Variants in DOCK4 observed in about 807,000 individuals in gnomAD.
DOCK4 encodes dedicator of cytokinesis 4, also known as dedicator of cytokinesis protein 4.
In DOCK4, 97 loss-of-function variants were observed where a neutral mutation model predicts 268.1. That is an observed-to-expected ratio of 0.36 (90% CI 0.31 to 0.43). The LOEUF is 0.43. Among genes scored for constraint, DOCK4 ranks in the 20% least tolerant of loss-of-function variants. The probability of loss-of-function intolerance (pLI) is 1.00; values close to 1 mark genes in which losing one functional copy is unlikely to be tolerated. For missense variants in DOCK4, 2,145 were observed against 2,455.7 expected (o/e 0.87, Z 2.67); for synonymous variants, 954 against 887.2 (o/e 1.08, Z -1.34).
chr7:111,809,883 G>C (rs1196007292), intron 28 of DOCK4, among the ~76,000 whole-genome samples: 1 of 151,298 alleles, frequency 6.6e-6, no homozygotes, highest in African/African-American at 2.4e-5. Context: ...TTTAAATTCA[G>C]ACATTATATA....
At chr7:111,837,471 T>C (rs1803321882) in intron 25 of DOCK4, among the ~76,000 whole-genome samples, 1 of 152,172 alleles carries the variant, frequency 6.6e-6, no homozygotes, top group South Asian at 2.1e-4. Context: ...AAGCTGTCTT[T>C]CTTCACAGAA....
At chr7:111,734,969 T>A in intron 51 of DOCK4, 85 bp downstream of exon 51, 1 of 1,099,030 alleles carries the variant, frequency 9.1e-7, no homozygotes, top group South Asian at 1.4e-5. Context: ...AACGCCTACC[T>A]TTCTCTCAGG....
rs571966641 is a variant in DOCK4 at position 112,116,812 on chromosome 7, T to G, written c.37+89290A>C. On this transcript the variant is annotated intron_variant, in intron 1 of 52. Transcript: ENST00000428084. ...TCGGCTGTTGTTGCCCAGGCTGTTC[T>G]CGAAATCTTGGCCTCAAGTGATCCT... Among the ~76,000 whole-genome samples the G allele has an allele frequency of 1.5e-4, 23 of 152,316 alleles. No homozygotes were observed. The East Asian group carries it at 4.2e-3, about 28-fold the overall frequency.
chr7:111,809,180 C>A, intron 29 of DOCK4, 121 bp downstream of exon 29: 2 of 818,264 alleles, frequency 2.4e-6, no homozygotes, highest in Non-Finnish European at 3.9e-6. Flanking sequence ...CTTCTTGACC[C>A]CTTGGTCACT....
At chr7:112,195,169 C>G (rs1820309027) in intron 1 of DOCK4, among the ~76,000 whole-genome samples, 1 of 152,106 alleles carries the variant, frequency 6.6e-6, no homozygotes, top group Admixed American at 6.5e-5. Flanking sequence ...ATCCCAGCTA[C>G]TCGGGAGGCT....
At chr7:111,908,167 G>T (rs1317315585) in intron 13 of DOCK4, among the ~76,000 whole-genome samples, 1 of 152,072 alleles carries the variant, frequency 6.6e-6, no homozygotes, top group Non-Finnish European at 1.5e-5. Flanking sequence ...TATTTATATT[G>T]GCCGGGTGTG....
At chr7:111,959,008 G>T (rs570522388) in intron 8 of DOCK4, among the ~76,000 whole-genome samples, 1 of 152,106 alleles carries the variant, frequency 6.6e-6, no homozygotes, top group Non-Finnish European at 1.5e-5. Flanking sequence ...CCGCAAATCT[G>T]ATTAACTCTG....
chr7:111,770,659 T>C (rs1380703283), intron 36 of DOCK4, among the ~76,000 whole-genome samples: 2 of 152,230 alleles, frequency 1.3e-5, no homozygotes, highest in East Asian at 3.8e-4. Flanking sequence ...TAATTTTTCC[T>C]ATAATGTCAT....
chr7:112,039,039 A>C (rs746557247), intron 1 of DOCK4, among the ~76,000 whole-genome samples: 14 of 152,188 alleles, frequency 9.2e-5, no homozygotes, highest in Non-Finnish European at 1.8e-4. Context: ...AGTGAATAAC[A>C]GGAAAGGGAC....
intron 1 of DOCK4, among the ~76,000 whole-genome samples, chr7:112,087,788 T>TTAACTCCTGAGA (rs1809239722): frequency 6.6e-6 from 1 of 152,062 alleles, no homozygotes; most frequent in African/African-American, 2.4e-5. Flanking sequence ...ACCTAGACCA[T>TTAACTCCTGAGA]CATATTAACA....
chr7:111,892,006 T>C (rs1808325219), intron 16 of DOCK4, among the ~76,000 whole-genome samples: 1 of 152,218 alleles, frequency 6.6e-6, no homozygotes, highest in Non-Finnish European at 1.5e-5. Context: ...GTTGCAACTA[T>C]ATTTCAGTTT....
At chr7:112,053,838 G>C (rs778967763) in intron 1 of DOCK4, among the ~76,000 whole-genome samples, 11 of 152,146 alleles carry the variant, frequency 7.2e-5, no homozygotes, top group Non-Finnish European at 8.8e-5. Flanking sequence ...ACACAGGTGA[G>C]GAGTAGAGAG....
chr7:111,741,302 A>C, intron 46 of DOCK4, 88 bp from the exon 47 acceptor site: 1 of 1,533,330 alleles, frequency 6.5e-7, no homozygotes, highest in Non-Finnish European at 8.9e-7. Context: ...CAAAGGGGGG[A>C]AAATACATTC....
At chr7:112,169,108 C>T (rs11561997) in intron 1 of DOCK4, among the ~76,000 whole-genome samples, 15,694 of 152,186 alleles carry the variant, frequency 0.1, 999 homozygotes, top group South Asian at 0.16. Context: ...CGATAGTGAG[C>T]TCTCATGAGA....
chr7:111,804,317 G>A (rs1800511722), intron 30 of DOCK4, among the ~76,000 whole-genome samples: 1 of 152,148 alleles, frequency 6.6e-6, no homozygotes. Flanking sequence ...AATCTGTTAA[G>A]CAAAATAAGC....
chr7:111,994,276 C>T, intron 4 of DOCK4, 45 bp from the exon 5 acceptor site: 1 of 1,302,808 alleles, frequency 7.7e-7, no homozygotes, highest in Non-Finnish European at 1.1e-6. Context: ...ATACCATAGA[C>T]AACAATTTTG....
At chr7:111,745,426 T>C (rs1352818361) in intron 44 of DOCK4, among the ~76,000 whole-genome samples, 1 of 151,970 alleles carries the variant, frequency 6.6e-6, no homozygotes, top group African/African-American at 2.4e-5. Context: ...CTCACGCCTG[T>C]AATCCCAGCA....
intron 5 of DOCK4, 105 bp from the exon 6 acceptor site, chr7:111,989,268 G>A: frequency 6.9e-7 from 1 of 1,459,666 alleles, no homozygotes; most frequent in South Asian, 1.3e-5. Flanking sequence ...CCCACTATGT[G>A]CTTGCCACTC....
At chr7:111,920,472 A>G (rs1793010827) in intron 12 of DOCK4, among the ~76,000 whole-genome samples, 1 of 152,142 alleles carries the variant, frequency 6.6e-6, no homozygotes, top group Non-Finnish European at 1.5e-5. Flanking sequence ...CATTCCAATT[A>G]CCTGAGATTA....
Sources: gnomAD v4.1 joint callset for allele counts (sites outside exome capture counted in the v4.1 genomes callset) on GRCh38, gnomAD v4.1.1 for gene constraint, MANE v1.5 for transcripts, NCBI Gene and HGNC (gene_info 2026-07-23, HGNC 2026-07-21) for gene names.